The following ARHGEF17 variants were observed in gnomAD, a reference collection of about 807,000 sequenced individuals.
ARHGEF17 encodes the protein Rho guanine nucleotide exchange factor 17.
Under a neutral mutation model 174.0 loss-of-function variants are expected in ARHGEF17, and 80 were observed. That is an observed-to-expected ratio of 0.46 (90% CI 0.38 to 0.55). The LOEUF (loss-of-function observed/expected upper bound fraction) is 0.55, where lower values mean the gene tolerates loss of function less well. ARHGEF17 is among the 20% of genes least tolerant of loss of function. The pLI is 0.00. For synonymous variants in ARHGEF17, 1,311 were observed against 1,189.1 expected, an observed-to-expected ratio of 1.10 and a Z score of -2.11; for missense variants, 2,886 against 2,839.7, an observed-to-expected ratio of 1.02 and a Z score of -0.37.
chr11:73,364,109 G>C (rs1430809805), intron 16 of ARHGEF17, 63 bp from the exon 17 acceptor site: 6 of 1,526,972 alleles, frequency 3.9e-6, no homozygotes, highest in East Asian at 2.2e-5. Flanking sequence ...TGGTTCCCCT[G>C]GTCCTGGGTG....
Position 73,364,569 on chromosome 11 carries a change from T to A in ARHGEF17, c.5519T>A (p.Leu1840His). The A allele has an allele frequency of 6.2e-7, 1 of 1,613,176 alleles. No homozygotes were observed. The highest frequency in any genetic ancestry group is 8.5e-7 in the Non-Finnish European group (1 of 1,179,754). ...TGGTGTGGCTGCCAGAACCGAGTCC[T>A]TGTCCTGAGCCCTGACACGCTGCAG... The part of the protein sequence containing the change: ...RLWCGCQNRV[L>H]VLSPDTLQLE... The change falls in exon 18 of 21, where the codon CTT becomes CAT. Residue 1840 changes from leucine to histidine, a missense_variant. This residue lies in a region of ARHGEF17 where 329 missense variants were observed against 435.2 expected (regional missense o/e 0.76). Transcript: ENST00000263674.
chr11:73,341,481 T>A (rs1159221882), intron 1 of ARHGEF17, among the ~76,000 whole-genome samples: 2 of 144,880 alleles, frequency 1.4e-5, no homozygotes, highest in African/African-American at 5.2e-5. Flanking sequence ...TAATTTTGTA[T>A]TTTTTTTTTT....
chr11:73,309,977 A>C lies in ARHGEF17; in HGVS notation c.1339A>C (p.Arg447=). Residue 447 remains arginine (R), a synonymous_variant, in exon 1 of 21, where the codon AGG becomes CGG. Coordinates refer to ENST00000263674, the MANE Select transcript of ARHGEF17 (RefSeq NM_014786.4). The part of the protein sequence containing the change: ...KGPGGTSRAL[R]DGGFEPEKSR... The stretch of plus-strand genomic sequence containing the variant: ...ACCTGGAGGCACCTCTAGGGCATTG[A>C]GGGATGGAGGATTTGAGCCTGAAAA... 6.2e-7 allele frequency: 1 copy of C among 1,613,978 alleles called. No homozygotes were observed. Among genetic ancestry groups the C allele is most frequent in the Non-Finnish European group, 8.5e-7 (1 of 1,179,988 alleles).
chr11:73,352,860 A>C lies in ARHGEF17; in HGVS notation c.3301A>C (p.Asn1101His), dbSNP rs1450830488. 7.4e-6 allele frequency: 12 copies of C among 1,613,914 alleles called. No individual in the cohort carries two copies. Among genetic ancestry groups the C allele is most frequent in the Non-Finnish European group, 1.0e-5 (12 of 1,180,034 alleles). ...CATGCAGCCGCTGAAGCAGCCAGAGAACTCCGTGCTCTGTGACCCTTCACT... is the reference window on the plus strand; with the variant it reads ...CATGCAGCCGCTGAAGCAGCCAGAGCACTCCGTGCTCTGTGACCCTTCACT... ...GYMQPLKQPE[N>H]SVLCDPSLVD... The change falls in exon 3 of 21, where the codon AAC becomes CAC. Residue 1101 changes from asparagine to histidine, a missense_variant. By Grantham distance (68) the Asn-to-His change is moderately conservative. Transcript: ENST00000263674.
chr11:73,331,171 G>A (rs1224719843), intron 1 of ARHGEF17, among the ~76,000 whole-genome samples: 1 of 152,196 alleles, frequency 6.6e-6, no homozygotes, highest in Non-Finnish European at 1.5e-5. Flanking sequence ...TGGACTTGCT[G>A]TGTGACCTTG....
intron 1 of ARHGEF17, among the ~76,000 whole-genome samples, chr11:73,333,297 A>G (rs1388675224): frequency 6.6e-6 from 1 of 152,182 alleles, no homozygotes; most frequent in Non-Finnish European, 1.5e-5. Flanking sequence ...GCCTCAGGAG[A>G]GTATACCCTG....
Position 73,331,508 on chromosome 11 carries a change from A to G in ARHGEF17, c.3193-15375A>G, listed in dbSNP as rs376621968. Among the ~76,000 whole-genome samples, 44 of 152,214 alleles carry G rather than the reference A, an allele frequency of 2.9e-4. 1 individual carries two copies. In the East Asian group the frequency reaches 6.8e-3, roughly 23 times the overall value. ...TTCCAGGGCTGTCATTGCCATGGCA[A>G]CAGCCAGTTCACAGGGCCCCTCCTC... On this transcript the variant is annotated intron_variant, in intron 1 of 20. Transcript: ENST00000263674.
rs752793049 is a variant in ARHGEF17 at position 73,357,142 on chromosome 11, G to T, written c.4001+8G>T. On this transcript the variant is annotated splice_region_variant and intron_variant, in intron 8 of 20. Transcript: ENST00000263674. ...GCGCAGCTCCATGAGCCTGTGAGTG[G>T]CTGGGCCGGGGTTTGGGTGGTGCCA... The T allele has an allele frequency of 1.2e-6, 2 of 1,613,970 alleles. No homozygotes were observed. The highest frequency in any genetic ancestry group is 1.7e-6 in the Non-Finnish European group (2 of 1,179,918).
At position 73,308,728 on chromosome 11, in the gene ARHGEF17, G is replaced by A; in HGVS notation, c.90G>A (p.Glu30=). The change falls in exon 1 of 21, where the codon GAG becomes GAA. Residue 30 remains glutamate, a synonymous_variant. Transcript: ENST00000263674. ...ERWSGGPGLR[E]EDTDTPGLRR... Reference sequence around the variant, plus strand: ...GGAGCGGCGGCCCCGGGCTGAGGGAGGAGGACACGGACACCCCCGGCTTGA... The same window carrying A: ...GGAGCGGCGGCCCCGGGCTGAGGGAAGAGGACACGGACACCCCCGGCTTGA... 1 of 1,511,190 alleles carries A rather than the reference G, an allele frequency of 6.6e-7. No homozygotes were observed. The highest frequency in any genetic ancestry group is 1.2e-5 in the South Asian group (1 of 80,978). The allele number at this position is 1,511,190 out of a possible 1,614,324, so 93.6% of individuals were successfully genotyped here.
Position 73,346,940 on chromosome 11 carries a change from T to G in ARHGEF17, c.3250T>G (p.Ser1084Ala). The G allele has an allele frequency of 1.9e-6, 3 of 1,572,048 alleles. No homozygotes were observed. Among genetic ancestry groups the G allele is most frequent in the Non-Finnish European group, 2.6e-6 (3 of 1,152,310 alleles). Reference protein sequence around the residue: ...LLDTEQSYVESLRTLMQGYMQ... With the variant: ...LLDTEQSYVEALRTLMQGYMQ... ...GGACACAGAGCAGTCGTATGTGGAG[T>G]CGCTGCGCACCCTGATGCAGGTGGG... The change falls in exon 2 of 21, where the codon TCG becomes GCG. Residue 1084 changes from serine (S) to alanine (A), a missense_variant. By Grantham distance (99) the Ser-to-Ala change is moderately conservative. Around this residue, in one of 4 missense-constraint regions of ARHGEF17, gnomAD observed 353 missense variants for 470.3 expected, o/e 0.75. Transcript: ENST00000263674.
At chr11:73,354,629 G>A (rs1055769053) in intron 3 of ARHGEF17, among the ~76,000 whole-genome samples, 4 of 151,618 alleles carry the variant, frequency 2.6e-5, no homozygotes, top group Admixed American at 6.6e-5. Context: ...CGGGAGAATC[G>A]CCCGAACCTG....
intron 10 of ARHGEF17, 50 bp downstream of exon 10, chr11:73,360,002 G>T (rs1386370828): frequency 6.8e-7 from 1 of 1,481,124 alleles, no homozygotes; most frequent in South Asian, 1.3e-5. Context: ...GGAGGCTTCT[G>T]ACCCTGTCTG....
chr11:73,343,786 T>TTG (rs1386343062), intron 1 of ARHGEF17, among the ~76,000 whole-genome samples: 1 of 152,050 alleles, frequency 6.6e-6, no homozygotes, highest in African/African-American at 2.4e-5. Context: ...TTCCCTGTCT[T>TTG]TGTGTGTCTC....
At chr11:73,329,359 A>G (rs1231383653) in intron 1 of ARHGEF17, among the ~76,000 whole-genome samples, 1 of 2,698 alleles carries the variant, frequency 3.7e-4, no homozygotes, top group African/African-American at 1.1e-3. Flanking sequence ...ATATATATAT[A>G]TATATATATA....
At chr11:73,349,487 C>G (rs972225925) in intron 2 of ARHGEF17, among the ~76,000 whole-genome samples, 4 of 152,082 alleles carry the variant, frequency 2.6e-5, no homozygotes, top group African/African-American at 9.7e-5. Context: ...TGGTGGCAGG[C>G]TACCTGTAAT....
At chr11:73,332,956 G>A (rs779252912) in intron 1 of ARHGEF17, among the ~76,000 whole-genome samples, 21 of 152,212 alleles carry the variant, frequency 1.4e-4, no homozygotes, top group Middle Eastern at 3.4e-3. Flanking sequence ...CAGGCCCAAC[G>A]AGGTTGTGTA....
intron 1 of ARHGEF17, among the ~76,000 whole-genome samples, chr11:73,323,010 A>T (rs1162301913): frequency 6.6e-6 from 1 of 152,098 alleles, no homozygotes; most frequent in Non-Finnish European, 1.5e-5. Flanking sequence ...AGCGGGACTC[A>T]CTTCTTGTCT....
intron 10 of ARHGEF17, 49 bp downstream of exon 10, chr11:73,360,001 T>A (rs1432314566): frequency 2.7e-6 from 4 of 1,479,086 alleles, no homozygotes; most frequent in Non-Finnish European, 3.7e-6. Context: ...GGGAGGCTTC[T>A]GACCCTGTCT....
chr11:73,308,812 G>C lies in ARHGEF17; in HGVS notation c.174G>C (p.Val58=). The C allele has an allele frequency of 7.4e-7, 1 of 1,352,536 alleles. No individual in the cohort carries two copies. Among genetic ancestry groups the C allele is most frequent in the Non-Finnish European group, 9.4e-7 (1 of 1,059,140 alleles). The allele number at this position is 1,352,536 out of a possible 1,614,324, so 83.8% of individuals were successfully genotyped here. The change falls in exon 1 of 21, where the codon GTG becomes GTC. Residue 58 remains valine (V), a synonymous_variant. Coordinates refer to ENST00000263674, the MANE Select transcript of ARHGEF17 (RefSeq NM_014786.4). ...TAARGQPSRR[V]SKLASGPLAA... The stretch of plus-strand genomic sequence containing the variant: ...CCCGGGGCCAGCCCTCTCGGCGCGT[G>C]TCCAAGCTGGCGTCTGGGCCCCTGG...
Sources: gnomAD v4.1 joint callset for allele counts (sites outside exome capture counted in the v4.1 genomes callset) on GRCh38, gnomAD v4.1.1 for gene constraint, gnomAD v4.1.1 regional missense constraint, MANE v1.5 for transcripts, NCBI Gene and HGNC (gene_info 2026-07-23, HGNC 2026-07-21) for gene names.